The following NUDT3 variants were observed in gnomAD, a reference collection of about 807,000 sequenced individuals.
The protein encoded by NUDT3 is diphosphoinositol polyphosphate phosphohydrolase 1.
NUDT3 carries 9 observed loss-of-function variants against 23.6 expected under a neutral mutation model. That is an observed-to-expected ratio of 0.38 (90% CI 0.23 to 0.66). NUDT3 has a LOEUF of 0.66. Among genes scored for constraint, NUDT3 ranks in the 30% least tolerant of loss-of-function variants. The probability of loss-of-function intolerance (pLI) is 0.52; values close to 1 mark genes in which losing one functional copy is unlikely to be tolerated. For missense variants in NUDT3, 172 were observed against 218.5 expected, an observed-to-expected ratio of 0.79 and a Z score of 1.34; for synonymous variants, 86 against 82.6, an observed-to-expected ratio of 1.04 and a Z score of -0.22.
chr6:34,364,385 T>G (rs1435951421), intron 1 of NUDT3, among the ~76,000 whole-genome samples: 1 of 152,190 alleles, frequency 6.6e-6, no homozygotes, highest in Non-Finnish European at 1.5e-5. Context: ...TTCCAATATA[T>G]CCGACAGCAG....
intron 1 of NUDT3, among the ~76,000 whole-genome samples, chr6:34,356,288 T>C (rs1406767619): frequency 6.6e-6 from 1 of 152,238 alleles, no homozygotes; most frequent in Non-Finnish European, 1.5e-5. Flanking sequence ...GCCCATTTCA[T>C]TGAAAATACT....
At chr6:34,344,076 T>C (rs1403531279) in intron 1 of NUDT3, among the ~76,000 whole-genome samples, 2 of 152,186 alleles carry the variant, frequency 1.3e-5, no homozygotes, top group Non-Finnish European at 2.9e-5. Flanking sequence ...GGAACCCTCA[T>C]ACATTGCTGA....
chr6:34,297,750 TATATATATAA>T (rs1561899082), intron 2 of NUDT3, among the ~76,000 whole-genome samples: 4 of 101,874 alleles, frequency 3.9e-5, no homozygotes, highest in African/African-American at 1.9e-4. Flanking sequence ...TATATATATA[TATATATATAA>T]TTTTTTTTTT....
chr6:34,312,005 G>A (rs767926288), intron 2 of NUDT3, among the ~76,000 whole-genome samples: 4 of 152,166 alleles, frequency 2.6e-5, no homozygotes, highest in South Asian at 2.1e-4. Flanking sequence ...ATAGGTGATC[G>A]TTGGTTTGGC....
chr6:34,322,436 A>G (rs188704959), intron 2 of NUDT3, among the ~76,000 whole-genome samples: 7 of 151,426 alleles, frequency 4.6e-5, no homozygotes, highest in South Asian at 4.2e-4. Context: ...TCACTGTGTT[A>G]GCCAGGATGG....
intron 2 of NUDT3, among the ~76,000 whole-genome samples, chr6:34,305,664 G>C (rs1442557575): frequency 6.6e-6 from 1 of 151,996 alleles, no homozygotes; most frequent in African/African-American, 2.4e-5. Flanking sequence ...TCTAATATAA[G>C]CATCTAAGCA....
At chr6:34,300,031 G>A (rs1375696479) in intron 2 of NUDT3, among the ~76,000 whole-genome samples, 1 of 151,968 alleles carries the variant, frequency 6.6e-6, no homozygotes, top group East Asian at 1.9e-4. Flanking sequence ...TTACAGGTGT[G>A]AGCCACCTGC....
At chr6:34,363,614 C>A (rs943347118) in intron 1 of NUDT3, among the ~76,000 whole-genome samples, 2 of 152,116 alleles carry the variant, frequency 1.3e-5, no homozygotes, top group Admixed American at 6.6e-5. Flanking sequence ...GAGTTCTGAT[C>A]AGCATGTATT....
intron 2 of NUDT3, among the ~76,000 whole-genome samples, chr6:34,318,620 T>C (rs1368844354): frequency 1.3e-5 from 2 of 152,208 alleles, no homozygotes; most frequent in African/African-American, 4.8e-5. Context: ...TACAAATGTG[T>C]CATATTTGAC....
At chr6:34,361,795 T>A (rs1280076257) in intron 1 of NUDT3, among the ~76,000 whole-genome samples, 1 of 152,158 alleles carries the variant, frequency 6.6e-6, no homozygotes. Flanking sequence ...TCCAACTAGA[T>A]AACATTCTGG....
At chr6:34,353,144 TA>T (rs1396036484) in intron 1 of NUDT3, among the ~76,000 whole-genome samples, 1 of 152,208 alleles carries the variant, frequency 6.6e-6, no homozygotes, top group Non-Finnish European at 1.5e-5. Flanking sequence ...AATACATATT[TA>T]TTCTTTTCTT....
chr6:34,330,278 T>C (rs1764108085), intron 2 of NUDT3, among the ~76,000 whole-genome samples: 1 of 152,154 alleles, frequency 6.6e-6, no homozygotes, highest in African/African-American at 2.4e-5. Flanking sequence ...AGTGTAAAAG[T>C]GTTCCTATTT....
At chr6:34,302,511 T>A (rs1478930130) in intron 2 of NUDT3, among the ~76,000 whole-genome samples, 1 of 152,198 alleles carries the variant, frequency 6.6e-6, no homozygotes, top group African/African-American at 2.4e-5. Flanking sequence ...GGTGGGCAGA[T>A]TGCCTCAGCT....
chr6:34,355,241 T>C (rs776741775), intron 1 of NUDT3, among the ~76,000 whole-genome samples: 11 of 152,206 alleles, frequency 7.2e-5, no homozygotes, highest in South Asian at 2.1e-4. Context: ...TAAATGGACA[T>C]TGGATTTTGT....
chr6:34,342,021 A>G (rs1414072472), intron 1 of NUDT3, 49 bp from the exon 2 acceptor site: 2 of 1,533,102 alleles, frequency 1.3e-6, no homozygotes, highest in Non-Finnish European at 1.8e-6. Flanking sequence ...TCAAAGACAC[A>G]TCCACACAAA....
chr6:34,374,357 T>C (rs1205966077), intron 1 of NUDT3, among the ~76,000 whole-genome samples: 1 of 152,126 alleles, frequency 6.6e-6, no homozygotes, highest in Non-Finnish European at 1.5e-5. Flanking sequence ...TACTTCCAGG[T>C]TCACAAATGT....
At chr6:34,324,830 A>G (rs1174955396) in intron 2 of NUDT3, among the ~76,000 whole-genome samples, 1 of 152,112 alleles carries the variant, frequency 6.6e-6, no homozygotes, top group African/African-American at 2.4e-5. Context: ...CCATTTAGTA[A>G]CAGCCTCAGA....
intron 2 of NUDT3, among the ~76,000 whole-genome samples, chr6:34,337,091 G>A (rs1302935280): frequency 6.6e-6 from 1 of 152,076 alleles, no homozygotes; most frequent in Admixed American, 6.6e-5. Context: ...CCACTGAACT[G>A]TTTCTGTAAT....
intron 2 of NUDT3, among the ~76,000 whole-genome samples, chr6:34,299,562 C>T (rs1055651361): frequency 1.3e-5 from 2 of 151,164 alleles, no homozygotes; most frequent in African/African-American, 4.9e-5. Context: ...GTAGCTGGGG[C>T]TATAGGCATG....
Sources: gnomAD v4.1 joint callset for allele counts (sites outside exome capture counted in the v4.1 genomes callset) on GRCh38, gnomAD v4.1.1 for gene constraint, MANE v1.5 for transcripts, NCBI Gene and HGNC (gene_info 2026-07-23, HGNC 2026-07-21) for gene names.